OR9Q1: variants seen among roughly 807,000 people sequenced by gnomAD.
OR9Q1 encodes the protein olfactory receptor family 9 subfamily Q member 1.
For missense variants in OR9Q1, 374 were observed against 378.8 expected (o/e 0.99, Z 0.11); for synonymous variants, 153 against 148.6 (o/e 1.03, Z -0.22).
intron 1 of OR9Q1, among the ~76,000 whole-genome samples, chr11:58,053,591 A>C (rs1215387406): frequency 9.2e-6 from 1 of 108,718 alleles, no homozygotes; most frequent in Non-Finnish European, 2.1e-5. Flanking sequence ...TAAAACTTAA[A>C]GTATAATAAT....
chr11:58,128,457 G>A (rs1854110170), intron 2 of OR9Q1, among the ~76,000 whole-genome samples: 2 of 152,232 alleles, frequency 1.3e-5, no homozygotes, highest in East Asian at 1.9e-4. Flanking sequence ...TTTTGCATTA[G>A]TGGAGAAAGA....
chr11:58,102,649 G>A (rs929084536), intron 2 of OR9Q1, among the ~76,000 whole-genome samples: 15 of 151,892 alleles, frequency 9.9e-5, no homozygotes, highest in South Asian at 8.3e-4. Flanking sequence ...TTAGTGGAAC[G>A]GGGATTCCCT....
At chr11:58,043,740 G>T (rs1853189147) in intron 1 of OR9Q1, among the ~76,000 whole-genome samples, 1 of 152,172 alleles carries the variant, frequency 6.6e-6, no homozygotes, top group African/African-American at 2.4e-5. Flanking sequence ...CTATTTGTTA[G>T]AATTAATTGT....
At chr11:58,148,674 C>T (rs1369599446) in intron 2 of OR9Q1, among the ~76,000 whole-genome samples, 1 of 152,094 alleles carries the variant, frequency 6.6e-6, no homozygotes, top group Non-Finnish European at 1.5e-5. Flanking sequence ...TGATGGAATT[C>T]AAAAAAGGTA....
intron 2 of OR9Q1, among the ~76,000 whole-genome samples, chr11:58,104,686 T>C (rs1032124047): frequency 1.3e-5 from 2 of 152,174 alleles, no homozygotes; most frequent in African/African-American, 4.8e-5. Flanking sequence ...GGGCTCCTTT[T>C]AGTGAGGCAG....
chr11:58,029,581 T>C (rs1346525103), intron 1 of OR9Q1, among the ~76,000 whole-genome samples: 2 of 152,220 alleles, frequency 1.3e-5, no homozygotes, highest in African/African-American at 4.8e-5. Context: ...AATTCTAAAA[T>C]GAGATAGGAA....
chr11:58,036,484 T>A (rs1774274680), intron 1 of OR9Q1, among the ~76,000 whole-genome samples: 1 of 152,220 alleles, frequency 6.6e-6, no homozygotes, highest in Admixed American at 6.5e-5. Context: ...GACATACATT[T>A]GGTAAGGCTA....
At position 58,124,129 on chromosome 11, in the gene OR9Q1, GT is replaced by G. The variant is rs1324228993; in HGVS notation, c.-14-55298del. Among the ~76,000 whole-genome samples, 3 of 152,214 alleles carry G rather than the reference GT, an allele frequency of 2.0e-5. No individual in the cohort carries two copies. In the East Asian group the frequency reaches 5.8e-4, roughly 29 times the overall value. On this transcript the variant is annotated intron_variant, in intron 2 of 2. Coordinates refer to ENST00000335397, the MANE Select transcript of OR9Q1 (RefSeq NM_001005212.4). Reference sequence around the variant, plus strand: ...TTTAGGAGCAGACTGGTGACACCCAGTTTTGTGTGATCTTGTTTAAGAAGGA... The same window carrying G: ...TTTAGGAGCAGACTGGTGACACCCAGTTTGTGTGATCTTGTTTAAGAAGGA...
intron 2 of OR9Q1, among the ~76,000 whole-genome samples, chr11:58,112,404 A>G (rs1853911447): frequency 6.6e-6 from 1 of 152,220 alleles, no homozygotes; most frequent in African/African-American, 2.4e-5. Context: ...CTAAATAATC[A>G]TATGCTTTAC....
intron 2 of OR9Q1, among the ~76,000 whole-genome samples, chr11:58,162,851 C>T (rs970975277): frequency 9.2e-5 from 14 of 152,126 alleles, no homozygotes; most frequent in South Asian, 2.1e-4. Context: ...CTCGGATCTT[C>T]GCAGAGCTCT....
At chr11:58,047,319 T>C (rs1291367618) in intron 1 of OR9Q1, 1 of 152,180 alleles carries the variant, frequency 6.6e-6, no homozygotes, top group Non-Finnish European at 1.5e-5. Flanking sequence ...TCAGCTCTAA[T>C]CTTTAAGGGT....
At chr11:58,148,107 G>A (rs986539682) in intron 2 of OR9Q1, among the ~76,000 whole-genome samples, 1 of 152,070 alleles carries the variant, frequency 6.6e-6, no homozygotes, top group Non-Finnish European at 1.5e-5. Flanking sequence ...TTCACCAAGA[G>A]GCCAAAGTAC....
intron 2 of OR9Q1, among the ~76,000 whole-genome samples, chr11:58,063,580 G>T (rs561277098): frequency 6.6e-6 from 1 of 152,096 alleles, no homozygotes; most frequent in Non-Finnish European, 1.5e-5. Flanking sequence ...TTCTACTAGG[G>T]TGTGACTGAC....
At chr11:58,123,853 G>A (rs1456489737) in intron 2 of OR9Q1, among the ~76,000 whole-genome samples, 5 of 152,154 alleles carry the variant, frequency 3.3e-5, no homozygotes, top group African/African-American at 1.2e-4. Flanking sequence ...AAAGATTGAT[G>A]TTGGAGTTCT....
rs1001803597 is a variant in OR9Q1, at chr11:58,058,927, C to T, written c.-15+2980C>T. On this transcript the variant is annotated intron_variant, in intron 2 of 2. Transcript: ENST00000335397. ...ATGGGAACTGGAAACAGTTGGAAAA[C>T]TGGGGGCGCTGAGATCCATGGCTGA... Among the ~76,000 whole-genome samples, 3 of 152,154 alleles carry T rather than the reference C, an allele frequency of 2.0e-5. No homozygotes were observed. In the South Asian group the frequency reaches 6.2e-4, roughly 32 times the overall value.
chr11:58,114,538 T>A (rs1373169547), intron 2 of OR9Q1, among the ~76,000 whole-genome samples: 2 of 152,088 alleles, frequency 1.3e-5, no homozygotes, highest in East Asian at 3.9e-4. Context: ...TCCTCCTTTC[T>A]CTTCATCTAG....
chr11:58,042,047 A>G (rs961702339), intron 1 of OR9Q1, among the ~76,000 whole-genome samples: 3 of 152,210 alleles, frequency 2.0e-5, no homozygotes, highest in African/African-American at 7.2e-5. Context: ...GCATCAGCCA[A>G]TTTAGTTTAA....
intron 1 of OR9Q1, chr11:58,044,261 C>T (rs1157217485): frequency 6.6e-6 from 1 of 152,214 alleles, no homozygotes; most frequent in Admixed American, 6.5e-5. Context: ...CATCTGAAGT[C>T]TACTCTGGCT....
chr11:58,036,094 T>C (rs1853098323), intron 1 of OR9Q1, among the ~76,000 whole-genome samples: 2 of 152,214 alleles, frequency 1.3e-5, no homozygotes, highest in African/African-American at 4.8e-5. Flanking sequence ...GTTATTATTA[T>C]ATGTGTCATA....
Sources: allele counts gnomAD v4.1 joint callset (sites outside exome capture counted in the v4.1 genomes callset), GRCh38; gene constraint gnomAD v4.1.1; transcripts MANE v1.5; gene names NCBI Gene and HGNC (gene_info 2026-07-23, HGNC 2026-07-21).